The following CAST variants were observed in gnomAD, a reference collection of about 807,000 sequenced individuals.
CAST encodes the protein MIR583 host.
CAST carries 76 observed loss-of-function variants against 119.6 expected under a neutral mutation model. That is an observed-to-expected ratio of 0.64 (90% CI 0.53 to 0.77). The LOEUF is 0.77. Among genes scored for constraint, CAST ranks in the 30% least tolerant of loss-of-function variants. The pLI is 0.00. For synonymous variants in CAST, 319 were observed against 331.6 expected (o/e 0.96, Z 0.41); for missense variants, 953 against 946.5 (o/e 1.01, Z -0.09).
chr5:96,518,264 C>A, the CAST span, among the ~76,000 whole-genome samples: 2 of 152,206 alleles, frequency 1.3e-5, no homozygotes, highest in Admixed American at 6.5e-5. Context: ...GAACCTCATA[C>A]CCTTCCCTCT....
At chr5:96,176,645 T>G in the CAST span, among the ~76,000 whole-genome samples, 1 of 152,248 alleles carries the variant, frequency 6.6e-6, no homozygotes, top group Non-Finnish European at 1.5e-5. Context: ...ACTTGAGATT[T>G]TGGCATACTT....
the CAST span, among the ~76,000 whole-genome samples, chr5:96,096,383 T>A: frequency 1.3e-5 from 2 of 152,192 alleles, no homozygotes; most frequent in Non-Finnish European, 2.9e-5. Context: ...TATTCTTATT[T>A]AGAGAGACTG....
At chr5:96,469,094 G>C in the CAST span, among the ~76,000 whole-genome samples, 1 of 152,038 alleles carries the variant, frequency 6.6e-6, no homozygotes, top group Non-Finnish European at 1.5e-5. Flanking sequence ...TACTGAAATA[G>C]ACAGCAGGTG....
intron 1 of CAST, among the ~76,000 whole-genome samples, chr5:96,551,861 G>A (rs1056135110): frequency 6.6e-6 from 1 of 152,106 alleles, no homozygotes; most frequent in South Asian, 2.1e-4. Flanking sequence ...TCAACAAGAA[G>A]AGCAAACTAT....
chr5:95,974,998 T>C, the CAST span, among the ~76,000 whole-genome samples: 59 of 152,214 alleles, frequency 3.9e-4, no homozygotes, highest in African/African-American at 1.4e-3. Flanking sequence ...GAGCATGCCA[T>C]GAAGGAGGAG....
chr5:96,706,956 C>G (rs1755103377), intron 3 of CAST, among the ~76,000 whole-genome samples: 1 of 152,098 alleles, frequency 6.6e-6, no homozygotes, highest in Non-Finnish European at 1.5e-5. Context: ...GTTGTCAGTC[C>G]CCCAGGCAAG....
Position 96,534,743 on chromosome 5 carries a change from A to AGAGAAAG in CAST, c.60+4863_60+4864insGAGAAAG, listed in dbSNP as rs1554066267. 3.5e-5 allele frequency among the ~76,000 whole-genome samples: 2 copies of AGAGAAAG among 56,556 alleles called. 1 individual carries two copies. Among genetic ancestry groups the AGAGAAAG allele is most frequent in the African/African-American group, 1.6e-4 (2 of 12,264 alleles). The allele number at this position is 56,556 out of a possible 152,430, so 37.1% of individuals were successfully genotyped here. ...AGAGAGAGAGAGAGAGAGAGAGAGA[A>AGAGAAAG]AGAAAGAAAGAAAGAAAGAAAGAAA... is the stretch of plus-strand genomic sequence containing the variant. On this transcript the variant is annotated intron_variant, in intron 1 of 11. Coordinates refer to the CAST transcript ENST00000505143.
chr5:96,406,094 T>A, the CAST span, among the ~76,000 whole-genome samples: 2 of 152,122 alleles, frequency 1.3e-5, no homozygotes, highest in Admixed American at 1.3e-4. Context: ...TTGGATTACC[T>A]ATGCAGGCTG....
intron 1 of CAST, among the ~76,000 whole-genome samples, chr5:96,624,870 A>G (rs992051136): frequency 4.6e-5 from 7 of 152,194 alleles, no homozygotes; most frequent in African/African-American, 1.7e-4. Flanking sequence ...TTGTGCAAGG[A>G]TTGTTACTAG....
chr5:96,450,186 T>G, the CAST span, among the ~76,000 whole-genome samples: 12 of 152,204 alleles, frequency 7.9e-5, no homozygotes, highest in Non-Finnish European at 1.8e-4. Context: ...GACTGGATTT[T>G]AAAAATGTGA....
At chr5:96,262,738 C>T in the CAST span, among the ~76,000 whole-genome samples, 4 of 152,016 alleles carry the variant, frequency 2.6e-5, no homozygotes, top group African/African-American at 4.8e-5. Flanking sequence ...GGTTTCACCA[C>T]GTTAGCCAAG....
chr5:96,594,479 G>A (rs1438908369), intron 1 of CAST, among the ~76,000 whole-genome samples: 1 of 152,142 alleles, frequency 6.6e-6, no homozygotes, highest in African/African-American at 2.4e-5. Context: ...TGAGTTTAAT[G>A]TTGTCATATT....
chr5:96,252,903 A>G, the CAST span, among the ~76,000 whole-genome samples: 1 of 152,150 alleles, frequency 6.6e-6, no homozygotes, highest in Admixed American at 6.6e-5. Context: ...GAATGACTGG[A>G]GTCTGACAGT....
chr5:96,242,140 A>G, the CAST span, among the ~76,000 whole-genome samples: 1 of 148,962 alleles, frequency 6.7e-6, no homozygotes, highest in African/African-American at 2.5e-5. Flanking sequence ...GTCCTTGCCC[A>G]TGCCTATGTC....
chr5:95,976,078 C>T, the CAST span, among the ~76,000 whole-genome samples: 1 of 151,866 alleles, frequency 6.6e-6, no homozygotes, highest in African/African-American at 2.4e-5. Context: ...CCTAGAGAGT[C>T]CTCCCCCTCT....
At chr5:96,330,797 C>T in the CAST span, among the ~76,000 whole-genome samples, 7 of 152,214 alleles carry the variant, frequency 4.6e-5, no homozygotes, top group East Asian at 9.7e-4. Flanking sequence ...GTGTTCTGAA[C>T]CCAGGGTTCC....
chr5:96,473,498 C>A, the CAST span, among the ~76,000 whole-genome samples: 2 of 152,298 alleles, frequency 1.3e-5, no homozygotes, highest in South Asian at 2.1e-4. Context: ...CCAGGGTCCC[C>A]CTGATTTCTT....
At chr5:96,360,335 G>T in the CAST span, among the ~76,000 whole-genome samples, 2 of 151,954 alleles carry the variant, frequency 1.3e-5, no homozygotes, top group Non-Finnish European at 2.9e-5. Flanking sequence ...GCCTACTTCT[G>T]TCAGTTTGTC....
the CAST span, among the ~76,000 whole-genome samples, chr5:96,149,625 G>A: frequency 6.6e-6 from 1 of 152,174 alleles, no homozygotes; most frequent in African/African-American, 2.4e-5. Flanking sequence ...TTTCTCTGCA[G>A]AGGTCCAGAT....
Sources: allele counts gnomAD v4.1 joint callset (sites outside exome capture counted in the v4.1 genomes callset), GRCh38; gene constraint gnomAD v4.1.1; transcripts MANE v1.5; gene names NCBI Gene and HGNC (gene_info 2026-07-23, HGNC 2026-07-21).